Variants in SAMD8 observed in about 807,000 individuals in gnomAD.
SAMD8 encodes the protein sphingomyelin synthase-related protein 1.
A neutral mutation model predicts 42.0 loss-of-function variants in SAMD8; 20 were observed. The ratio of observed to expected loss-of-function variants is 0.48; its 90% CI spans 0.34 to 0.69. SAMD8 has a LOEUF of 0.69. Ranked by LOEUF, SAMD8 falls within the 30% of genes least tolerant of loss-of-function variation. The pLI, the probability that SAMD8 is intolerant of heterozygous loss-of-function variation, is 0.01. For missense variants in SAMD8, 328 were observed against 511.6 expected (o/e 0.64, Z 3.46); for synonymous variants, 162 against 173.0 (o/e 0.94, Z 0.50).
At position 75,181,044 on chromosome 10, in the gene SAMD8, C is replaced by G. The variant is rs2132228935; in HGVS notation, c.*4352C>G. On this transcript the variant is annotated 3_prime_UTR_variant, in exon 6 of 6. Transcript: ENST00000542569. ...ATAGTCTTTTATAGACTTACATTTT[C>G]TTCATACTAAAGGTAATGATAATAT... The G allele has an allele frequency of 6.6e-6, 1 of 152,232 alleles. No homozygotes were observed. Among genetic ancestry groups the G allele is most frequent in the Non-Finnish European group, 1.5e-5 (1 of 68,000 alleles). 9.4% of individuals were successfully genotyped at this position (152,232 alleles called of 1,614,324 possible). A position where few individuals can be genotyped will look rare whatever the true frequency, so the allele number is the denominator to read the frequency against.
chr10:75,148,669 A>T (rs1840208619), intron 1 of SAMD8, among the ~76,000 whole-genome samples: 1 of 152,170 alleles, frequency 6.6e-6, no homozygotes, highest in Non-Finnish European at 1.5e-5. Context: ...CCAGCTTTTA[A>T]CTTTGCTTGT....
In SAMD8 at chr10:75,176,842, A is replaced by G. The variant is rs920704609; in HGVS notation, c.*150A>G. ...GTTCTGAGCAAAGTTATGATTATAA[A>G]AAGCAAGAAAGAACAATCAAGAGTC... On this transcript the variant is annotated 3_prime_UTR_variant, in exon 6 of 6. Coordinates refer to ENST00000542569, the MANE Select transcript of SAMD8 (RefSeq NM_001174156.2). This position sits in a 1 kb window ranked among gnomAD's most constrained non-coding sequence, Gnocchi z 4.3. 9.7e-6 allele frequency: 6 copies of G among 616,664 alleles called. No homozygotes were observed. Among genetic ancestry groups the G allele is most frequent in the Non-Finnish European group, 1.7e-5 (6 of 362,536 alleles). The allele number at this position is 616,664 out of a possible 1,614,324, so 38.2% of individuals were successfully genotyped here. A position where few individuals can be genotyped will look rare whatever the true frequency, so the allele number is the denominator to read the frequency against.
chr10:75,137,980 C>A (rs1411122845), intron 1 of SAMD8, among the ~76,000 whole-genome samples: 1 of 152,214 alleles, frequency 6.6e-6, no homozygotes, highest in Non-Finnish European at 1.5e-5. Flanking sequence ...ATGACCCTTA[C>A]AAAGTTAGTG....
intron 1 of SAMD8, among the ~76,000 whole-genome samples, chr10:75,105,494 G>C (rs1848435774): frequency 6.6e-6 from 1 of 152,188 alleles, no homozygotes; most frequent in Admixed American, 6.5e-5. Flanking sequence ...TAGGTTAAGG[G>C]AACCCAGCAG....
rs112482447 is a variant in SAMD8, at chr10:75,101,855, G to T, written c.-16+2127G>T. On this transcript the variant is annotated intron_variant, in intron 1 of 3. Transcript: ENST00000447533. Reference sequence around the variant, plus strand: ...ACATCCTACCCCCCCCAAATTAGGAGCACTCACCCACCTGTGGGAGTATCT... The same window carrying T: ...ACATCCTACCCCCCCCAAATTAGGATCACTCACCCACCTGTGGGAGTATCT... 946 of 1,364,446 alleles carry T rather than the reference G, an allele frequency of 6.9e-4. 5 individuals are homozygous for T. In the African/African-American group the frequency reaches 0.012, roughly 17 times the overall value. The allele number at this position is 1,364,446 out of a possible 1,614,324, so 84.5% of individuals were successfully genotyped here.
intron 1 of SAMD8, chr10:75,105,779 G>T (rs1052540973): frequency 6.4e-7 from 1 of 1,551,410 alleles, no homozygotes; most frequent in South Asian, 1.2e-5. Flanking sequence ...ACCGCCTGGC[G>T]CAGGGACAGC....
rs1049850635 is a variant in SAMD8 at position 75,126,871 on chromosome 10, A to G, written c.-16+15149A>G. 6.6e-5 allele frequency among the ~76,000 whole-genome samples: 10 copies of G among 152,060 alleles called. No homozygotes were observed. The South Asian group carries it at 1.7e-3, about 25-fold the overall frequency. ...ACACTTAGTAAATGTTTGAGACTGAACAGTGCAAAATTGTGATTCAAAAAG... is the reference window on the plus strand; with the variant it reads ...ACACTTAGTAAATGTTTGAGACTGAGCAGTGCAAAATTGTGATTCAAAAAG... On this transcript the variant is annotated intron_variant, in intron 1 of 5. Transcript: ENST00000542569.
chr10:75,115,161 A>G (rs1489471754), intron 1 of SAMD8, among the ~76,000 whole-genome samples: 3 of 152,236 alleles, frequency 2.0e-5, no homozygotes, highest in Non-Finnish European at 4.4e-5. Context: ...ACTTATTTGC[A>G]AAATGCCGTA....
intron 4 of SAMD8, among the ~76,000 whole-genome samples, chr10:75,169,344 G>C (rs915068845): frequency 6.6e-6 from 1 of 151,238 alleles, no homozygotes; most frequent in Non-Finnish European, 1.5e-5. Flanking sequence ...AATTAGCCAG[G>C]TGCAGTGGTG....
At chr10:75,124,156 A>G (rs1432662890) in intron 1 of SAMD8, among the ~76,000 whole-genome samples, 1 of 152,036 alleles carries the variant, frequency 6.6e-6, no homozygotes, top group African/African-American at 2.4e-5. Context: ...AGAGCTCACT[A>G]CTGTGTTGTT....
chr10:75,160,734 T>C (rs1840538878), intron 2 of SAMD8, among the ~76,000 whole-genome samples: 1 of 152,124 alleles, frequency 6.6e-6, no homozygotes, highest in Non-Finnish European at 1.5e-5. Flanking sequence ...TGTGAGGTTG[T>C]GGGTGGAAGG....
At chr10:75,148,450 T>G (rs910529446) in intron 1 of SAMD8, among the ~76,000 whole-genome samples, 2 of 149,310 alleles carry the variant, frequency 1.3e-5, no homozygotes, top group African/African-American at 5.0e-5. Context: ...GCCTCCCAGG[T>G]TCACGCCATC....
intron 1 of SAMD8, among the ~76,000 whole-genome samples, chr10:75,142,649 A>G (rs1840044929): frequency 6.6e-6 from 1 of 151,532 alleles, no homozygotes; most frequent in Non-Finnish European, 1.5e-5. Flanking sequence ...GTTGGCCAGG[A>G]TGGTCTCGAT....
At chr10:75,175,147 A>C (rs1206433153) in intron 4 of SAMD8, among the ~76,000 whole-genome samples, 1 of 152,154 alleles carries the variant, frequency 6.6e-6, no homozygotes, top group African/African-American at 2.4e-5. Flanking sequence ...ACTTCCTCAA[A>C]ACTGTTGTCT....
Position 75,154,248 on chromosome 10 carries a change from C to T in SAMD8, c.578+3142C>T, listed in dbSNP as rs551204779. On this transcript the variant is annotated intron_variant, in intron 2 of 5. Coordinates refer to ENST00000542569, the MANE Select transcript of SAMD8 (RefSeq NM_001174156.2). ...GCAATGGGGAAAACTGAGAACCAAC[C>T]CCGTTTATATTGCAGATTTCTCCAA... Among the ~76,000 whole-genome samples the T allele has an allele frequency of 1.1e-4, 17 of 152,172 alleles. No homozygotes were observed. The South Asian group carries it at 2.7e-3, about 24-fold the overall frequency.
At chr10:75,136,628 A>G (rs1839891389) in intron 1 of SAMD8, among the ~76,000 whole-genome samples, 1 of 152,186 alleles carries the variant, frequency 6.6e-6, no homozygotes, top group African/African-American at 2.4e-5. Flanking sequence ...CTACTACAAT[A>G]TTTAAATTGG....
chr10:75,133,420 A>G (rs1489433996), intron 1 of SAMD8, among the ~76,000 whole-genome samples: 1 of 152,216 alleles, frequency 6.6e-6, no homozygotes, highest in Non-Finnish European at 1.5e-5. Context: ...AAAATGAAAT[A>G]GAACTACCAT....
chr10:75,149,454 T>C (rs1201216112), intron 1 of SAMD8, among the ~76,000 whole-genome samples: 1 of 152,200 alleles, frequency 6.6e-6, no homozygotes, highest in Non-Finnish European at 1.5e-5. Context: ...CGTGATAGTT[T>C]AAGAATAAAA....
chr10:75,143,864 CT>C, intron 1 of SAMD8, among the ~76,000 whole-genome samples: 1 of 151,100 alleles, frequency 6.6e-6, no homozygotes, highest in Non-Finnish European at 1.5e-5. Context: ...TCTCTCTTGT[CT>C]TTTGGAAGCT....
Sources: allele counts gnomAD v4.1 joint callset (sites outside exome capture counted in the v4.1 genomes callset), GRCh38; gene constraint gnomAD v4.1.1; non-coding constraint Gnocchi (gnomAD v3.1); transcripts MANE v1.5; gene names NCBI Gene and HGNC (gene_info 2026-07-23, HGNC 2026-07-21).